TNR: variants seen among roughly 807,000 people sequenced by gnomAD.
TNR encodes tenascin R, also known as tenascin-R.
In TNR, 45 loss-of-function variants were observed where a neutral mutation model predicts 150.4. The ratio of observed to expected loss-of-function variants is 0.30; its 90% CI spans 0.24 to 0.38. The LOEUF is 0.38. Ranked by LOEUF, TNR falls within the 10% of genes least tolerant of loss-of-function variation. The pLI is 1.00. For synonymous variants in TNR, 687 were observed against 678.4 expected (o/e 1.01, Z -0.20); for missense variants, 1,544 against 1,759.1 (o/e 0.88, Z 2.19).
intron 1 of TNR, among the ~76,000 whole-genome samples, chr1:175,571,721 T>G (rs1661878465): frequency 2.0e-5 from 3 of 152,168 alleles, no homozygotes; most frequent in Admixed American, 2.0e-4. Flanking sequence ...TTCATCCAAC[T>G]ACCTGCATGT....
chr1:175,458,120 G>T (rs1357706702), intron 2 of TNR, among the ~76,000 whole-genome samples: 1 of 152,248 alleles, frequency 6.6e-6, no homozygotes, highest in African/African-American at 2.4e-5. Context: ...GCCTGGTGCA[G>T]AGCTCCATAA....
At chr1:175,662,389 C>T (rs189144187) in intron 1 of TNR, among the ~76,000 whole-genome samples, 7 of 152,018 alleles carry the variant, frequency 4.6e-5, no homozygotes, top group Admixed American at 6.6e-5. Flanking sequence ...TGAGCAGCCC[C>T]TTCTCACAAT....
chr1:175,359,299 C>T (rs1422686368), intron 15 of TNR, among the ~76,000 whole-genome samples: 1 of 151,666 alleles, frequency 6.6e-6, no homozygotes, highest in Non-Finnish European at 1.5e-5. Flanking sequence ...GTTTGCACCA[C>T]CACTTCCGGC....
rs1287859671 is a variant in TNR at position 175,599,589 on chromosome 1, C to T, written c.-164-71220G>A. On this transcript the variant is annotated intron_variant, in intron 1 of 22. Coordinates refer to ENST00000367674, the MANE Select transcript of TNR (RefSeq NM_003285.3). This position sits in a 1 kb window ranked among gnomAD's most constrained non-coding sequence, Gnocchi z 4.7. ...CCCGCATCAGCGGTAATGGGGCCGGCCCACCCGGAGGCAGCCCGGAGCAGC... is the reference window on the plus strand; with the variant it reads ...CCCGCATCAGCGGTAATGGGGCCGGTCCACCCGGAGGCAGCCCGGAGCAGC... 2.0e-5 allele frequency among the ~76,000 whole-genome samples: 3 copies of T among 152,134 alleles called. No individual in the cohort carries two copies. The highest frequency in any genetic ancestry group is 7.2e-5 in the African/African-American group (3 of 41,438).
At chr1:175,587,739 A>G (rs1319840524) in intron 1 of TNR, among the ~76,000 whole-genome samples, 1 of 152,216 alleles carries the variant, frequency 6.6e-6, no homozygotes, top group Non-Finnish European at 1.5e-5. Context: ...GGAGCCAGGA[A>G]AACAATATTT....
chr1:175,365,999 G>C lies in TNR; in HGVS notation c.2193C>G (p.Thr731=), dbSNP rs775462429. 3 of 1,614,102 alleles carry C rather than the reference G, an allele frequency of 1.9e-6. No individual in the cohort carries two copies. In the Admixed American group the frequency reaches 5.0e-5, roughly 27 times the overall value. Residue 731 remains threonine, a synonymous_variant, in exon 11 of 23, where the codon ACC becomes ACG. Coordinates refer to ENST00000367674, the MANE Select transcript of TNR (RefSeq NM_003285.3). ...TPSSGIASEV[T]VPKDRTSYTL... is the part of the protein sequence containing the mutation. ...TGTATGAGGTCCTGTCCTTGGGTACGGTGACTTCTGAGGCAATCCCAGAGG... is the reference window on the plus strand; with the variant it reads ...TGTATGAGGTCCTGTCCTTGGGTACCGTGACTTCTGAGGCAATCCCAGAGG...
At chr1:175,404,803 A>G (rs1050829150) in intron 3 of TNR, among the ~76,000 whole-genome samples, 1 of 152,242 alleles carries the variant, frequency 6.6e-6, no homozygotes, top group African/African-American at 2.4e-5. Context: ...CTCCTGCTCC[A>G]TTGAAAAGAC....
intron 5 of TNR, 34 bp from the exon 6 acceptor site, chr1:175,393,929 G>A (rs1351357615): frequency 1.3e-6 from 2 of 1,525,162 alleles, no homozygotes; most frequent in Non-Finnish European, 1.8e-6. Context: ...CAATGTCATG[G>A]CTAACCCTTG....
chr1:175,715,926 G>GCA (rs1667145934), intron 1 of TNR, among the ~76,000 whole-genome samples: 1 of 152,202 alleles, frequency 6.6e-6, no homozygotes, highest in South Asian at 2.1e-4. Flanking sequence ...CCTACTTCCT[G>GCA]CACACACATC....
intron 1 of TNR, among the ~76,000 whole-genome samples, chr1:175,602,833 C>T (rs1663291385): frequency 6.6e-6 from 1 of 152,170 alleles, no homozygotes; most frequent in South Asian, 2.1e-4. Flanking sequence ...CTAGAAAGCT[C>T]CGAGACCAAC....
intron 1 of TNR, among the ~76,000 whole-genome samples, chr1:175,696,879 C>CAAAA (rs66502339): frequency 9.0e-6 from 1 of 110,628 alleles, no homozygotes; most frequent in African/African-American, 3.3e-5. Flanking sequence ...AACTCCATCT[C>CAAAA]AAAAAAAAAA....
intron 2 of TNR, among the ~76,000 whole-genome samples, chr1:175,469,590 G>C (rs1657191794): frequency 6.6e-6 from 1 of 151,960 alleles, no homozygotes; most frequent in African/African-American, 2.4e-5. Context: ...AGGAGCTATA[G>C]GGAGGGTTTT....
At chr1:175,655,374 A>G (rs188376985) in intron 1 of TNR, among the ~76,000 whole-genome samples, 2 of 152,326 alleles carry the variant, frequency 1.3e-5, no homozygotes, top group Non-Finnish European at 2.9e-5. Context: ...AATTTATTTA[A>G]TCTTTGCAAT....
chr1:175,348,151 A>C (rs1048023733), intron 18 of TNR, among the ~76,000 whole-genome samples: 2 of 152,202 alleles, frequency 1.3e-5, no homozygotes, highest in Non-Finnish European at 2.9e-5. Flanking sequence ...TTAGACAAAA[A>C]TTATCAGCAA....
At chr1:175,649,000 G>C (rs1664878605) in intron 1 of TNR, among the ~76,000 whole-genome samples, 2 of 152,112 alleles carry the variant, frequency 1.3e-5, no homozygotes, top group Non-Finnish European at 2.9e-5. Flanking sequence ...CTGCATCCTT[G>C]CCTCCACACT....
chr1:175,606,255 T>C (rs1663400305), intron 1 of TNR, among the ~76,000 whole-genome samples: 1 of 152,084 alleles, frequency 6.6e-6, no homozygotes, highest in Admixed American at 6.5e-5. Flanking sequence ...AGGGAATAAT[T>C]CTGTTTTCTA....
intron 1 of TNR, among the ~76,000 whole-genome samples, chr1:175,657,189 T>C (rs530238765): frequency 6.6e-6 from 1 of 152,228 alleles, no homozygotes; most frequent in South Asian, 2.1e-4. Flanking sequence ...CAGGTGACCA[T>C]CAGAGAAATG....
intron 1 of TNR, among the ~76,000 whole-genome samples, chr1:175,581,399 C>A (rs1662342361): frequency 6.6e-6 from 1 of 152,150 alleles, no homozygotes; most frequent in Non-Finnish European, 1.5e-5. Context: ...AACGGAGGTC[C>A]CAGCTCATCA....
At chr1:175,366,177 C>T (rs757000534) in intron 10 of TNR, 39 bp from the exon 11 acceptor site, 3 of 1,542,176 alleles carry the variant, frequency 1.9e-6, no homozygotes, top group Non-Finnish European at 2.6e-6. Flanking sequence ...ACATGTGTTC[C>T]CCTGGAGGGC....
Sources: gnomAD v4.1 joint callset for allele counts (sites outside exome capture counted in the v4.1 genomes callset) on GRCh38, gnomAD v4.1.1 for gene constraint, Gnocchi (gnomAD v3.1) non-coding constraint, MANE v1.5 for transcripts, NCBI Gene and HGNC (gene_info 2026-07-23, HGNC 2026-07-21) for gene names.